The following PCDHGB2 variants were observed in gnomAD, a reference collection of about 807,000 sequenced individuals.
The protein encoded by PCDHGB2 is protocadherin gamma subfamily B, 2.
PCDHGB2 carries 55 observed loss-of-function variants against 59.3 expected under a neutral mutation model. That is an observed-to-expected ratio of 0.93 (90% confidence interval 0.75 to 1.16). The LOEUF (loss-of-function observed/expected upper bound fraction) is 1.16, where lower values mean the gene tolerates loss of function less well. PCDHGB2 is among the 50% of genes most tolerant of loss of function. The pLI is 0.00. For missense variants in PCDHGB2, 1,228 were observed against 1,198.5 expected (o/e 1.02, Z -0.36); for synonymous variants, 516 against 512.0 (o/e 1.01, Z -0.11).
chr5:141,426,629 T>G (rs1384012221), intron 1 of PCDHGB2: 4 of 397,284 alleles, frequency 1.0e-5, no homozygotes, highest in South Asian at 7.2e-5. Context: ...CTCTAAATGT[T>G]TTTCACATAA....
chr5:141,360,421 T>A lies in PCDHGB2; in HGVS notation c.286T>A (p.Cys96Ser). The A allele has an allele frequency of 6.2e-7, 1 of 1,613,968 alleles. No homozygotes were observed. Among genetic ancestry groups the A allele is most frequent in the Non-Finnish European group, 8.5e-7 (1 of 1,179,886 alleles). The change falls in exon 1 of 4, where the codon TGC (cysteine) becomes AGC (serine). Residue 96 changes from cysteine to serine, a missense_variant. Coordinates refer to ENST00000522605, the MANE Select transcript of PCDHGB2 (RefSeq NM_018923.3). ...TGACAGAATAGACCGAGAACAGATA[T>A]GCGGGAAGCAGCCTCTGTGTGTTCT... ...VSDRIDREQI[C>S]GKQPLCVLDF...
intron 1 of PCDHGB2, chr5:141,478,473 A>G (rs2099458384): frequency 6.2e-7 from 1 of 1,613,742 alleles, no homozygotes; most frequent in African/African-American, 1.3e-5. Context: ...GCCAGCCGCC[A>G]GAACACGCTG....
At chr5:141,460,459 T>A (rs2098989808) in intron 1 of PCDHGB2, among the ~76,000 whole-genome samples, 1 of 152,176 alleles carries the variant, frequency 6.6e-6, no homozygotes, top group South Asian at 2.1e-4. Flanking sequence ...ATTCATATTT[T>A]TTTCCAAAGG....
intron 1 of PCDHGB2, chr5:141,420,300 C>T (rs773892933): frequency 1.6e-5 from 24 of 1,467,248 alleles, no homozygotes; most frequent in African/African-American, 2.8e-5. Context: ...TGTATTTAAT[C>T]CTTTTTATAT....
At position 141,375,580 on chromosome 5, in the gene PCDHGB2, G is replaced by C; in HGVS notation, c.2421+13024G>C. The C allele has an allele frequency of 1.9e-6, 3 of 1,614,092 alleles. 1 individual carries two copies. The highest frequency in any genetic ancestry group is 2.2e-5 in the South Asian group (2 of 91,078). On this transcript the variant is annotated intron_variant, in intron 1 of 3. Transcript: ENST00000522605. ...TGGCAGAAGACACCCTCCAGGGGGC[G>C]CCCCTGTCCTCCTACGTGTCCATCA...
intron 1 of PCDHGB2, chr5:141,421,504 C>A (rs757410882): frequency 1.2e-6 from 2 of 1,614,062 alleles, no homozygotes; most frequent in Admixed American, 1.7e-5. Context: ...CAGGATAGAC[C>A]GGGAGGAGCT....
chr5:141,382,075 C>T (rs1474505918), intron 1 of PCDHGB2, among the ~76,000 whole-genome samples: 3 of 151,956 alleles, frequency 2.0e-5, no homozygotes, highest in Non-Finnish European at 4.4e-5. Flanking sequence ...GTGATCCGCC[C>T]GCCTCGGCCT....
intron 1 of PCDHGB2, among the ~76,000 whole-genome samples, chr5:141,401,533 CA>C: frequency 6.6e-6 from 1 of 151,790 alleles, no homozygotes; most frequent in East Asian, 1.9e-4. Flanking sequence ...AAGAAACTTA[CA>C]AAAAAAAGGA....
chr5:141,399,814 C>T, intron 1 of PCDHGB2: 2 of 1,613,238 alleles, frequency 1.2e-6, no homozygotes, highest in Non-Finnish European at 1.7e-6. Context: ...GTACCCCGCG[C>T]TGGGTCCCGA....
chr5:141,450,264 C>T (rs1395960399), intron 1 of PCDHGB2, among the ~76,000 whole-genome samples: 1 of 152,112 alleles, frequency 6.6e-6, no homozygotes, highest in Non-Finnish European at 1.5e-5. Flanking sequence ...GTGATCTGCC[C>T]ACCTCAGCTA....
At chr5:141,447,400 A>G (rs904985523) in intron 1 of PCDHGB2, among the ~76,000 whole-genome samples, 1 of 152,090 alleles carries the variant, frequency 6.6e-6, no homozygotes, top group Non-Finnish European at 1.5e-5. Flanking sequence ...GGCCTCCCAA[A>G]GTGCTGGGAT....
In PCDHGB2 at chr5:141,414,101, A is replaced by G. The variant is rs759223225; in HGVS notation, c.2421+51545A>G. On this transcript the variant is annotated intron_variant, in intron 1 of 3. Transcript: ENST00000522605. ...TATACTGGAGAAATAAAAATATCAG[A>G]AAATCTAGATTATGAAGAAACCGGT... 1.9e-6 allele frequency: 3 copies of G among 1,593,930 alleles called. No individual in the cohort carries two copies. The African/African-American group carries it at 4.0e-5, about 21-fold the overall frequency.
At chr5:141,510,311 C>T (rs375516156) in intron 3 of PCDHGB2, among the ~76,000 whole-genome samples, 98 of 151,056 alleles carry the variant, frequency 6.5e-4, no homozygotes, top group African/African-American at 2.3e-3. Flanking sequence ...GAAATGGAGG[C>T]TTGGAAGAGC....
chr5:141,384,864 A>G (rs202180798), intron 1 of PCDHGB2: 3 of 1,613,702 alleles, frequency 1.9e-6, no homozygotes, highest in Non-Finnish European at 2.5e-6. Flanking sequence ...CTCCTCTGTC[A>G]GCCACCGTCA....
chr5:141,419,744 G>C (rs760207269), intron 1 of PCDHGB2: 1 of 1,613,896 alleles, frequency 6.2e-7, no homozygotes, highest in Non-Finnish European at 8.5e-7. Context: ...GGTGCGCATG[G>C]TGCGTGCTTT....
intron 1 of PCDHGB2, among the ~76,000 whole-genome samples, chr5:141,492,869 A>G (rs975868829): frequency 6.6e-6 from 1 of 152,010 alleles, no homozygotes; most frequent in African/African-American, 2.4e-5. Context: ...CTGGCTCTCA[A>G]CCCCCAGAGA....
intron 2 of PCDHGB2, among the ~76,000 whole-genome samples, chr5:141,498,710 T>C (rs2099785302): frequency 1.3e-5 from 2 of 152,108 alleles, no homozygotes. Flanking sequence ...GGTGGGTGGA[T>C]CACCTGAGGT....
chr5:141,421,965 C>T (rs775450008), intron 1 of PCDHGB2: 3 of 1,610,242 alleles, frequency 1.9e-6, no homozygotes, highest in Non-Finnish European at 2.5e-6. Context: ...TTACACAGTC[C>T]GTATATCGCG....
chr5:141,403,791 A>C (rs1265792011), intron 1 of PCDHGB2: 4 of 1,613,782 alleles, frequency 2.5e-6, no homozygotes, highest in Non-Finnish European at 3.4e-6. Flanking sequence ...GTGGCATACA[A>C]ATTCTGGAAA....
Sources: allele counts gnomAD v4.1 joint callset (sites outside exome capture counted in the v4.1 genomes callset), GRCh38; gene constraint gnomAD v4.1.1; transcripts MANE v1.5; gene names NCBI Gene and HGNC (gene_info 2026-07-23, HGNC 2026-07-21).